Variants in ITSN2 observed in about 807,000 individuals in gnomAD.
The protein encoded by ITSN2 is intersectin 2, also known as intersectin-2.
A neutral mutation model predicts 243.7 loss-of-function variants in ITSN2; 156 were observed. The ratio of observed to expected loss-of-function variants is 0.64; its 90% confidence interval spans 0.56 to 0.73. ITSN2 has a LOEUF of 0.73. Among genes scored for constraint, ITSN2 ranks in the 30% least tolerant of loss-of-function variants. The probability of loss-of-function intolerance (pLI) is 0.00; values close to 1 mark genes in which losing one functional copy is unlikely to be tolerated. For missense variants in ITSN2, 1,801 were observed against 1,996.1 expected (o/e 0.90, Z 1.86); for synonymous variants, 703 against 699.9 (o/e 1.00, Z -0.07).
intron 1 of ITSN2, among the ~76,000 whole-genome samples, chr2:24,335,976 T>G (rs942980260): frequency 3.4e-5 from 5 of 148,232 alleles, no homozygotes; most frequent in Non-Finnish European, 7.4e-5. Context: ...GCATGGTGGC[T>G]CAAGCCTGTA....
In ITSN2 at chr2:24,302,013, T is replaced by C. The variant is rs746333956; in HGVS notation, c.947A>G (p.Gln316Arg). 17 of 1,613,496 alleles carry C rather than the reference T, an allele frequency of 1.1e-5. No homozygotes were observed. Among genetic ancestry groups the C allele is most frequent in the Admixed American group, 8.3e-5 (5 of 59,972 alleles). Residue 316 changes from glutamine (Q) to arginine (R), a missense_variant, in exon 10 of 40, where the codon CAG becomes CGG. Physicochemically the swap from Gln to Arg is conservative, Grantham distance 43. Around this residue, in one of 5 missense-constraint regions of ITSN2, gnomAD observed 787 missense variants for 803.9 expected, o/e 0.98. Transcript: ENST00000355123. ...MHLTDMAKAGQPLPLTLPPEL... is the reference protein window; with the variant it reads ...MHLTDMAKAGRPLPLTLPPEL... ...AGGAGGTAAAGTCAGTGGTAATGGC[T>C]GTCCAGCTTTGGCCATGTCAGTAAG...
Position 24,246,144 on chromosome 2 carries a change from C to T in ITSN2, c.3562G>A (p.Asp1188Asn), listed in dbSNP as rs759008719. 6.2e-7 allele frequency: 1 copy of T among 1,610,830 alleles called. No individual in the cohort carries two copies. The highest frequency in any genetic ancestry group is 1.7e-5 in the Admixed American group (1 of 59,500). ...TATTACTCACACTGTTGACTTGGAT[C>T]TGAGTCTGTCGTCATCTTAACGTAG... is the stretch of plus-strand genomic sequence containing the variant. ...SNYVKMTTDS[D>N]PSQQWCADLQ... The change falls in exon 29 of 40, where the codon GAT (aspartate) becomes AAT (asparagine). Residue 1188 changes from aspartate (D) to asparagine (N), a missense_variant. Physicochemically the swap from Asp to Asn is conservative, Grantham distance 23 (BLOSUM62 1). This residue lies in a region of ITSN2 where 928 missense variants were observed against 1,065.4 expected (regional missense o/e 0.87). Transcript: ENST00000355123.
intron 18 of ITSN2, 96 bp downstream of exon 18, chr2:24,275,617 C>T: frequency 1.0e-6 from 1 of 998,512 alleles, no homozygotes; most frequent in African/African-American, 1.6e-5. Context: ...AGGATAATCC[C>T]TTTATTTTCC....
chr2:24,295,565 T>C, intron 14 of ITSN2, 99 bp downstream of exon 14: 1 of 930,492 alleles, frequency 1.1e-6, no homozygotes, highest in Non-Finnish European at 1.5e-6. Flanking sequence ...CGCCTCAGCC[T>C]CCCAAAGTGC....
intron 29 of ITSN2, among the ~76,000 whole-genome samples, chr2:24,234,031 AAGG>A (rs1671873987): frequency 6.6e-6 from 1 of 152,220 alleles, no homozygotes; most frequent in Admixed American, 6.5e-5. Context: ...AAAAAAATTA[AAGG>A]AGAAGAATAA....
At chr2:24,358,047 G>C (rs1432733756) in intron 1 of ITSN2, among the ~76,000 whole-genome samples, 1 of 152,104 alleles carries the variant, frequency 6.6e-6, no homozygotes, top group Non-Finnish European at 1.5e-5. Context: ...CTGAGTACCT[G>C]GGACTACAGG....
intron 17 of ITSN2, among the ~76,000 whole-genome samples, chr2:24,281,835 T>G (rs183693335): frequency 2.2e-3 from 339 of 152,300 alleles, no homozygotes; most frequent in Non-Finnish European, 3.7e-3. Flanking sequence ...CCTCTCAACT[T>G]TCCATCTCAA....
chr2:24,238,972 A>G (rs1232812811), intron 29 of ITSN2: 1 of 152,322 alleles, frequency 6.6e-6, no homozygotes, highest in Admixed American at 6.5e-5. Flanking sequence ...TTGCATAGTT[A>G]TATTACAATT....
intron 18 of ITSN2, among the ~76,000 whole-genome samples, chr2:24,274,213 G>A (rs1386106569): frequency 6.6e-6 from 1 of 152,128 alleles, no homozygotes; most frequent in Non-Finnish European, 1.5e-5. Flanking sequence ...GAGCTACTTC[G>A]TTTGAACTTT....
intron 15 of ITSN2, 64 bp from the exon 16 acceptor site, chr2:24,286,415 A>C: frequency 3.7e-5 from 53 of 1,418,608 alleles, no homozygotes; most frequent in Non-Finnish European, 5.1e-5. Context: ...CCAGCATGTC[A>C]TTTACTGTTT....
At chr2:24,358,472 G>A (rs1688655358) in intron 1 of ITSN2, among the ~76,000 whole-genome samples, 1 of 152,144 alleles carries the variant, frequency 6.6e-6, no homozygotes, top group African/African-American at 2.4e-5. Flanking sequence ...CTCGATAAAT[G>A]ACAACCATGG....
chr2:24,237,513 C>T (rs1211343292), intron 29 of ITSN2, among the ~76,000 whole-genome samples: 2 of 152,112 alleles, frequency 1.3e-5, no homozygotes, highest in African/African-American at 2.4e-5. Context: ...AGGTGGTGTA[C>T]ATCTGATGTT....
At chr2:24,334,288 A>G (rs1244763400) in intron 1 of ITSN2, among the ~76,000 whole-genome samples, 2 of 152,110 alleles carry the variant, frequency 1.3e-5, no homozygotes, top group South Asian at 2.1e-4. Context: ...TGAACTCCTG[A>G]CCTCACGTGA....
rs868651147 is a variant in ITSN2 at position 24,211,871 on chromosome 2, A to G, written c.4089+779T>C. 1.3e-4 allele frequency among the ~76,000 whole-genome samples: 20 copies of G among 152,300 alleles called. No individual in the cohort carries two copies. The highest frequency in any genetic ancestry group is 3.4e-4 in the African/African-American group (14 of 41,564). ...AACACATCTGGCCCCAAGTATTTCA[A>G]TGAAGGGGCTGTGAACCTGCATTAT... On this transcript the variant is annotated intron_variant, in intron 33 of 39. Transcript: ENST00000355123. This position sits in a 1 kb window ranked among gnomAD's most constrained non-coding sequence, Gnocchi z 4.1.
intron 23 of ITSN2, 87 bp downstream of exon 23, chr2:24,257,796 GTTATT>G: frequency 9.9e-7 from 1 of 1,011,708 alleles, no homozygotes; most frequent in Non-Finnish European, 1.5e-6. Context: ...GTATAAAATT[GTTATT>G]TTATTATACA....
At chr2:24,230,645 G>A (rs1041790551) in intron 29 of ITSN2, among the ~76,000 whole-genome samples, 1 of 152,092 alleles carries the variant, frequency 6.6e-6, no homozygotes, top group Non-Finnish European at 1.5e-5. Context: ...GTGGGCACTT[G>A]TAATCCCATC....
intron 1 of ITSN2, chr2:24,334,700 A>G: frequency 3.2e-6 from 5 of 1,584,870 alleles, no homozygotes; most frequent in Non-Finnish European, 4.3e-6. Context: ...TAAAACTACA[A>G]AGAAGATTGT....
At chr2:24,356,864 T>C (rs1574421225) in intron 1 of ITSN2, among the ~76,000 whole-genome samples, 1 of 151,330 alleles carries the variant, frequency 6.6e-6, no homozygotes, top group African/African-American at 2.4e-5. Flanking sequence ...GATCGCGCCA[T>C]TGCACTCCAG....
chr2:24,286,438 G>T (rs527986663), intron 15 of ITSN2, 87 bp from the exon 16 acceptor site: 1 of 1,106,578 alleles, frequency 9.0e-7, no homozygotes, highest in Admixed American at 1.8e-5. Flanking sequence ...TCAGATTGAT[G>T]TAACTAGACC....
Sources: gnomAD v4.1 joint callset for allele counts (sites outside exome capture counted in the v4.1 genomes callset) on GRCh38, gnomAD v4.1.1 for gene constraint, gnomAD v4.1.1 regional missense constraint, Gnocchi (gnomAD v3.1) non-coding constraint, MANE v1.5 for transcripts, NCBI Gene and HGNC (gene_info 2026-07-23, HGNC 2026-07-21) for gene names.